Variants in DCC observed in about 807,000 individuals in gnomAD.
The protein encoded by DCC is netrin receptor DCC.
Under a neutral mutation model 172.5 loss-of-function variants are expected in DCC, and 58 were observed. That is an observed-to-expected ratio of 0.34 (90% CI 0.27 to 0.42). The LOEUF (loss-of-function observed/expected upper bound fraction) is 0.42. Among genes scored for constraint, DCC ranks in the 10% least tolerant of loss-of-function variants. The pLI is 1.00. For missense variants in DCC, 1,740 were observed against 1,791.0 expected (o/e 0.97, Z 0.51); for synonymous variants, 709 against 644.5 (o/e 1.10, Z -1.52).
chr18:53,389,739 A>G (rs933138463), intron 16 of DCC, among the ~76,000 whole-genome samples: 7 of 152,206 alleles, frequency 4.6e-5, no homozygotes, highest in African/African-American at 1.7e-4. Context: ...TCAGAGAAGC[A>G]TTCTGGAACT....
At chr18:52,522,726 T>C (rs558305155) in intron 1 of DCC, among the ~76,000 whole-genome samples, 1 of 152,322 alleles carries the variant, frequency 6.6e-6, no homozygotes, top group African/African-American at 2.4e-5. Flanking sequence ...GCTAGATTAA[T>C]GTATAGTCAT....
intron 1 of DCC, among the ~76,000 whole-genome samples, chr18:52,473,689 C>T (rs1419311661): frequency 6.6e-6 from 1 of 152,110 alleles, no homozygotes; most frequent in Non-Finnish European, 1.5e-5. Flanking sequence ...GAAACTGCCC[C>T]CATGATTCGA....
At chr18:53,442,056 C>G (rs1912311624) in intron 22 of DCC, among the ~76,000 whole-genome samples, 2 of 152,190 alleles carry the variant, frequency 1.3e-5, no homozygotes, top group Admixed American at 6.5e-5. Flanking sequence ...CATAATAAGT[C>G]CTTTCATGAG....
intron 1 of DCC, among the ~76,000 whole-genome samples, chr18:52,642,076 A>G (rs1270125624): frequency 5.3e-5 from 2 of 37,716 alleles, no homozygotes; most frequent in African/African-American, 1.3e-4. Flanking sequence ...ATATATATAT[A>G]TATACACACA....
intron 2 of DCC, among the ~76,000 whole-genome samples, chr18:52,852,861 T>C (rs1490093273): frequency 6.6e-6 from 1 of 152,206 alleles, no homozygotes; most frequent in Admixed American, 6.5e-5. Context: ...ACATATTTAG[T>C]ATCTCATTTG....
intron 9 of DCC, among the ~76,000 whole-genome samples, chr18:53,184,051 A>C (rs1469925979): frequency 2.0e-5 from 3 of 151,948 alleles, no homozygotes; most frequent in Admixed American, 2.0e-4. Flanking sequence ...TCAAATAAGA[A>C]CATAATTTCA....
intron 7 of DCC, among the ~76,000 whole-genome samples, chr18:53,097,699 A>G (rs2043106775): frequency 6.6e-6 from 1 of 152,146 alleles, no homozygotes; most frequent in Non-Finnish European, 1.5e-5. Flanking sequence ...GGAGGTTAGA[A>G]GTCCATGATT....
At chr18:52,601,241 C>A (rs2034012031) in intron 1 of DCC, among the ~76,000 whole-genome samples, 1 of 151,864 alleles carries the variant, frequency 6.6e-6, no homozygotes. Context: ...TGCATGCCTA[C>A]CTACAATCTA....
chr18:53,377,728 G>A (rs963536087), intron 15 of DCC, among the ~76,000 whole-genome samples: 2 of 152,172 alleles, frequency 1.3e-5, no homozygotes, highest in Non-Finnish European at 2.9e-5. Flanking sequence ...GCCTAATTAG[G>A]CATCCAACAA....
chr18:53,027,247 T>A (rs2041967737), intron 5 of DCC, among the ~76,000 whole-genome samples: 1 of 152,110 alleles, frequency 6.6e-6, no homozygotes, highest in Non-Finnish European at 1.5e-5. Context: ...GTTCCTGTTT[T>A]ATAGGGACAC....
intron 13 of DCC, among the ~76,000 whole-genome samples, chr18:53,316,012 T>C (rs1237726771): frequency 6.6e-6 from 1 of 152,224 alleles, no homozygotes; most frequent in Non-Finnish European, 1.5e-5. Context: ...TTGCCATTGC[T>C]TTTGGTGTTT....
At chr18:53,311,240 G>A (rs900822073) in intron 13 of DCC, among the ~76,000 whole-genome samples, 8 of 151,982 alleles carry the variant, frequency 5.3e-5, no homozygotes, top group African/African-American at 1.9e-4. Flanking sequence ...TCCTGCCTCA[G>A]CCTCACCAGT....
At chr18:52,342,584 G>C (rs531552064) in intron 1 of DCC, among the ~76,000 whole-genome samples, 3 of 152,260 alleles carry the variant, frequency 2.0e-5, no homozygotes, top group Admixed American at 1.3e-4. Flanking sequence ...AGATTGACTT[G>C]GGCTTTCTAT....
rs571126362 is a variant in DCC at position 52,791,590 on chromosome 18, C to T, written c.412+39216C>T. On this transcript the variant is annotated intron_variant, in intron 2 of 28. Coordinates refer to ENST00000442544, the MANE Select transcript of DCC (RefSeq NM_005215.4). ...CTAAGCCATTGGGGTTAGTAATGCT[C>T]ACCCAAGTGGCTCTAGTCCTCTGCT... 2.0e-5 allele frequency among the ~76,000 whole-genome samples: 3 copies of T among 152,134 alleles called. No individual in the cohort carries two copies. In the East Asian group the frequency reaches 5.8e-4, roughly 30 times the overall value.
intron 1 of DCC, among the ~76,000 whole-genome samples, chr18:52,579,734 C>G (rs1453357871): frequency 6.6e-6 from 1 of 152,138 alleles, no homozygotes; most frequent in African/African-American, 2.4e-5. Flanking sequence ...TAGGATGGAC[C>G]TATCTGGAAT....
chr18:53,503,278 A>G (rs1041072636), intron 27 of DCC, among the ~76,000 whole-genome samples: 7 of 152,236 alleles, frequency 4.6e-5, no homozygotes, highest in Admixed American at 1.3e-4. Flanking sequence ...AATTCTGCTT[A>G]CCTGAAAACA....
intron 3 of DCC, among the ~76,000 whole-genome samples, chr18:52,907,112 T>A (rs188144039): frequency 2.0e-5 from 3 of 151,350 alleles, no homozygotes; most frequent in African/African-American, 7.2e-5. Context: ...CATGCATCTA[T>A]TTACATTTCC....
chr18:53,045,216 C>T (rs118079176), intron 5 of DCC, among the ~76,000 whole-genome samples: 4,234 of 151,826 alleles, frequency 0.028, 79 homozygotes, highest in Non-Finnish European at 0.041. Flanking sequence ...TTCTGTAAAA[C>T]TGGAAGAATT....
At chr18:52,927,237 TTA>T (rs1568192483) in intron 5 of DCC, among the ~76,000 whole-genome samples, 2 of 133,416 alleles carry the variant, frequency 1.5e-5, no homozygotes, top group Non-Finnish European at 1.6e-5. Flanking sequence ...ACATATATAC[TTA>T]TATGTACATA....
Sources: allele counts gnomAD v4.1 joint callset (sites outside exome capture counted in the v4.1 genomes callset), GRCh38; gene constraint gnomAD v4.1.1; transcripts MANE v1.5; gene names NCBI Gene and HGNC (gene_info 2026-07-23, HGNC 2026-07-21).